QTMAN: variants seen among roughly 807,000 people sequenced by gnomAD.
The protein encoded by QTMAN is queuosine-tRNA mannosyltransferase, also known as tRNA-queuosine alpha-mannosyltransferase.
the QTMAN span, among the ~76,000 whole-genome samples, chr2:143,980,464 C>G: frequency 6.6e-6 from 1 of 152,112 alleles, no homozygotes; most frequent in South Asian, 2.1e-4. Context: ...CTCTGGTTCC[C>G]CTATCACATA....
the QTMAN span, among the ~76,000 whole-genome samples, chr2:144,175,854 G>C: frequency 0.044 from 6,647 of 152,060 alleles, 481 homozygotes; most frequent in African/African-American, 0.15. Flanking sequence ...TAGCAGAAAC[G>C]TGGTTTCACC....
the QTMAN span, among the ~76,000 whole-genome samples, chr2:144,159,738 CAG>C: frequency 4.6e-5 from 7 of 151,962 alleles, no homozygotes; most frequent in Non-Finnish European, 7.4e-5. Flanking sequence ...ACATTCCAGA[CAG>C]AGAGCTTACA....
At chr2:144,042,174 G>A in the QTMAN span, among the ~76,000 whole-genome samples, 3 of 152,076 alleles carry the variant, frequency 2.0e-5, no homozygotes, top group East Asian at 5.8e-4. Flanking sequence ...TTTAAGATAG[G>A]CAGGCCTGCT....
At chr2:144,293,472 G>A in the QTMAN span, among the ~76,000 whole-genome samples, 1 of 152,130 alleles carries the variant, frequency 6.6e-6, no homozygotes, top group Non-Finnish European at 1.5e-5. Context: ...ATTCAGGTAG[G>A]GCAAATCTCA....
chr2:144,158,037 G>A, the QTMAN span, among the ~76,000 whole-genome samples: 1 of 151,924 alleles, frequency 6.6e-6, no homozygotes, highest in African/African-American at 2.4e-5. Context: ...TCCTTTTTAA[G>A]ATGATGCCAA....
chr2:143,964,955 A>T, the QTMAN span, among the ~76,000 whole-genome samples: 4 of 152,216 alleles, frequency 2.6e-5, no homozygotes, highest in Admixed American at 6.5e-5. Context: ...AGTCTTTGGC[A>T]GTTCACAGAA....
chr2:144,247,668 C>T, the QTMAN span, among the ~76,000 whole-genome samples: 3 of 152,030 alleles, frequency 2.0e-5, no homozygotes, highest in Non-Finnish European at 4.4e-5. Context: ...GAGAAAGGAC[C>T]ACAGTATTTT....
the QTMAN span, among the ~76,000 whole-genome samples, chr2:144,052,600 G>C: frequency 0.045 from 6,790 of 152,210 alleles, 508 homozygotes; most frequent in African/African-American, 0.15. Context: ...CATCCAGCAG[G>C]AATCATTTTT....
the QTMAN span, among the ~76,000 whole-genome samples, chr2:144,300,572 T>C: frequency 1.3e-5 from 2 of 152,202 alleles, no homozygotes; most frequent in Admixed American, 6.5e-5. Context: ...TTAGAAGTAT[T>C]TAGCTAGAGA....
the QTMAN span, among the ~76,000 whole-genome samples, chr2:144,259,092 C>T: frequency 6.6e-6 from 1 of 152,188 alleles, no homozygotes; most frequent in East Asian, 1.9e-4. Flanking sequence ...TCAGCAGGTA[C>T]ACCAGAAGTG....
At chr2:144,307,268 C>A in the QTMAN span, among the ~76,000 whole-genome samples, 20 of 140,334 alleles carry the variant, frequency 1.4e-4, no homozygotes, top group Admixed American at 7.1e-5. Flanking sequence ...CATTCACATG[C>A]AATATAATAA....
the QTMAN span, among the ~76,000 whole-genome samples, chr2:144,280,822 A>T: frequency 1.3e-5 from 2 of 152,144 alleles, no homozygotes; most frequent in East Asian, 3.8e-4. Flanking sequence ...ATAAATACAT[A>T]AAAAGATGCT....
chr2:144,187,794 C>A, the QTMAN span, among the ~76,000 whole-genome samples: 3 of 152,248 alleles, frequency 2.0e-5, no homozygotes, highest in African/African-American at 7.2e-5. Flanking sequence ...AAGATACATG[C>A]AAGTCCTAAC....
At chr2:143,987,787 C>T in the QTMAN span, among the ~76,000 whole-genome samples, 1 of 152,172 alleles carries the variant, frequency 6.6e-6, no homozygotes, top group Non-Finnish European at 1.5e-5. Flanking sequence ...TTTATTTCTA[C>T]TTTAAAATCC....
chr2:144,008,691 C>T, the QTMAN span, among the ~76,000 whole-genome samples: 1 of 151,910 alleles, frequency 6.6e-6, no homozygotes, highest in Admixed American at 6.6e-5. Flanking sequence ...CAGAAGGGAA[C>T]ATCTGGAAGA....
chr2:144,329,960 G>A, the QTMAN span, among the ~76,000 whole-genome samples: 5 of 152,270 alleles, frequency 3.3e-5, no homozygotes, highest in Admixed American at 2.0e-4. Context: ...AGGAAAGTGC[G>A]CACAGGCCAA....
chr2:144,203,873 C>T, the QTMAN span, among the ~76,000 whole-genome samples: 1 of 151,784 alleles, frequency 6.6e-6, no homozygotes, highest in Non-Finnish European at 1.5e-5. Context: ...ATAGACAAAC[C>T]TGACAAAAAC....
the QTMAN span, among the ~76,000 whole-genome samples, chr2:144,253,759 A>AG: frequency 2.5e-4 from 38 of 151,656 alleles, no homozygotes; most frequent in African/African-American, 9.0e-4. Context: ...ACAATGAAGT[A>AG]GAAAAAAAAA....
chr2:144,145,622 C>T, the QTMAN span: 5 of 1,609,962 alleles, frequency 3.1e-6, no homozygotes, highest in East Asian at 6.7e-5. Context: ...CCTGACATTT[C>T]TTGACAGGAT....
Sources: allele counts gnomAD v4.1 joint callset (sites outside exome capture counted in the v4.1 genomes callset), GRCh38; gene constraint gnomAD v4.1.1; transcripts MANE v1.5; gene names NCBI Gene and HGNC (gene_info 2026-07-23, HGNC 2026-07-21).